CDCA2: variants seen among roughly 807,000 people sequenced by gnomAD.
CDCA2 encodes cell division cycle-associated protein 2.
In CDCA2, 44 loss-of-function variants were observed where a neutral mutation model predicts 67.0. That is an observed-to-expected ratio of 0.66 (90% CI 0.52 to 0.84). CDCA2 has a LOEUF of 0.84. CDCA2 is among the 40% of genes least tolerant of loss of function. CDCA2 has a pLI of 0.00. For synonymous variants in CDCA2, 447 were observed against 418.7 expected (o/e 1.07, Z -0.82); for missense variants, 1,253 against 1,203.2 (o/e 1.04, Z -0.61).
chr8:25,466,769 G>A (rs776218835), intron 5 of CDCA2, among the ~76,000 whole-genome samples: 7 of 151,962 alleles, frequency 4.6e-5, no homozygotes, highest in African/African-American at 4.8e-5. Flanking sequence ...TCAGCCAGGC[G>A]CGGTGGCTCA....
intron 13 of CDCA2, among the ~76,000 whole-genome samples, chr8:25,501,391 G>A (rs1804469443): frequency 6.6e-6 from 1 of 152,134 alleles, no homozygotes; most frequent in Admixed American, 6.5e-5. Context: ...TTAAATTTAA[G>A]ATCAAACGTT....
At chr8:25,489,502 C>G (rs1803917977) in intron 13 of CDCA2, among the ~76,000 whole-genome samples, 1 of 152,174 alleles carries the variant, frequency 6.6e-6, no homozygotes, top group South Asian at 2.1e-4. Context: ...AATTTCCAGT[C>G]TGACTGAGTT....
chr8:25,468,414 G>T lies in CDCA2; in HGVS notation c.735+1G>T, dbSNP rs1803011251. The T allele has an allele frequency of 6.2e-7, 1 of 1,608,138 alleles. No individual in the cohort carries two copies. The highest frequency in any genetic ancestry group is 8.5e-7 in the Non-Finnish European group (1 of 1,176,616). On this transcript the variant is annotated splice_donor_variant, in intron 6 of 14. Coordinates refer to ENST00000330560, the MANE Select transcript of CDCA2 (RefSeq NM_152562.4). LOFTEE classifies it high-confidence loss of function. ...TGAAACTTCTGTAGATCTTTCTGAG[G>T]TAATTCACTTACTTTACGCATAGGA...
At chr8:25,476,067 T>G (rs1586484320) in intron 7 of CDCA2, among the ~76,000 whole-genome samples, 1 of 152,208 alleles carries the variant, frequency 6.6e-6, no homozygotes, top group South Asian at 2.1e-4. Context: ...CAGAAAAGTT[T>G]CTTACCACTT....
At chr8:25,476,088 T>C (rs773153414) in intron 7 of CDCA2, among the ~76,000 whole-genome samples, 3 of 152,190 alleles carry the variant, frequency 2.0e-5, no homozygotes, top group Non-Finnish European at 4.4e-5. Flanking sequence ...GTTTGTGGCT[T>C]TTCTCCATTC....
At chr8:25,502,404 T>C (rs914583217) in intron 13 of CDCA2, among the ~76,000 whole-genome samples, 19 of 152,256 alleles carry the variant, frequency 1.2e-4, no homozygotes, top group Admixed American at 8.5e-4. Flanking sequence ...CAGAATTGAA[T>C]GTAATACCCC....
chr8:25,469,835 A>C, intron 6 of CDCA2, 61 bp from the exon 7 acceptor site: 1 of 1,028,802 alleles, frequency 9.7e-7, no homozygotes, highest in Non-Finnish European at 1.5e-6. Context: ...TCAAATCTTC[A>C]AAAAGGCATT....
rs1396758594 is a variant in CDCA2, at chr8:25,459,299, G to T, written c.-175G>T. On this transcript the variant is annotated 5_prime_UTR_variant, in exon 1 of 15. Transcript: ENST00000330560. ...GGCTGTGAGTCCAGGTCAGCCGTCG[G>T]GACCTCGGGCTCCGGGTTCGAAGAG... is the stretch of plus-strand genomic sequence containing the variant. 6.6e-6 allele frequency: 1 copy of T among 152,368 alleles called. No individual in the cohort carries two copies. Among genetic ancestry groups the T allele is most frequent in the East Asian group, 1.9e-4 (1 of 5,194 alleles). 9.4% of individuals were successfully genotyped at this position (152,368 alleles called of 1,614,324 possible).
intron 13 of CDCA2, among the ~76,000 whole-genome samples, chr8:25,502,853 T>A (rs947821926): frequency 6.6e-6 from 1 of 152,230 alleles, no homozygotes; most frequent in Admixed American, 6.5e-5. Context: ...TGAATCCTGC[T>A]TTGTAGTTTA....
Position 25,506,299 on chromosome 8 carries a change from G to T in CDCA2, c.1844-211G>T, listed in dbSNP as rs546372022. ...GGTTATATGCTTTATTAATTCATGCGTTGAATACCTATTTTCTTAACCTGT... is the reference window on the plus strand; with the variant it reads ...GGTTATATGCTTTATTAATTCATGCTTTGAATACCTATTTTCTTAACCTGT... On this transcript the variant is annotated intron_variant, in intron 14 of 14. Coordinates refer to ENST00000330560, the MANE Select transcript of CDCA2 (RefSeq NM_152562.4). Among the ~76,000 whole-genome samples the T allele has an allele frequency of 6.3e-4, 96 of 152,156 alleles. 1 individual carries two copies. Among genetic ancestry groups the T allele is most frequent in the Non-Finnish European group, 2.4e-4 (16 of 68,034 alleles).
rs770139830 is a variant in CDCA2, at chr8:25,484,095, G to T, written c.1250G>T (p.Gly417Val). The change falls in exon 10 of 15, where the codon GGA becomes GTA. Residue 417 changes from glycine to valine, a missense_variant. Gly to Val is a moderately radical substitution (Grantham distance 109). Transcript: ENST00000330560. ...SLPANTPLRK[G>V]GTPVCKKDFS... ...CCAGCAAATACTCCATTGCGTAAAG[G>T]AGGAACACCTGTTTGTAAAAAAGAC... is the stretch of plus-strand genomic sequence containing the variant. 1 of 1,614,202 alleles carries T rather than the reference G, an allele frequency of 6.2e-7. No individual in the cohort carries two copies. Among genetic ancestry groups the T allele is most frequent in the Non-Finnish European group, 8.5e-7 (1 of 1,180,036 alleles).
intron 14 of CDCA2, among the ~76,000 whole-genome samples, chr8:25,504,360 G>A (rs987585230): frequency 1.3e-5 from 2 of 151,218 alleles, no homozygotes; most frequent in African/African-American, 4.9e-5. Context: ...CAAACTCTTG[G>A]GCTCAAACAA....
At chr8:25,492,792 G>A (rs1804063679) in intron 13 of CDCA2, among the ~76,000 whole-genome samples, 1 of 152,190 alleles carries the variant, frequency 6.6e-6, no homozygotes, top group Non-Finnish European at 1.5e-5. Flanking sequence ...AGGACAATGT[G>A]AGTATTAACA....
chr8:25,468,141 A>AT, intron 5 of CDCA2, 76 bp from the exon 6 acceptor site: 3 of 554,342 alleles, frequency 5.4e-6, no homozygotes, highest in Non-Finnish European at 7.5e-6. Context: ...AAAAAAAAAG[A>AT]AAAGAAAAAA....
intron 13 of CDCA2, among the ~76,000 whole-genome samples, chr8:25,495,658 G>T (rs1157290676): frequency 6.6e-6 from 1 of 152,090 alleles, no homozygotes; most frequent in Non-Finnish European, 1.5e-5. Flanking sequence ...CTGACCTCGT[G>T]ATCCGCCCAC....
chr8:25,462,288 C>T, intron 4 of CDCA2, 80 bp downstream of exon 4: 1 of 1,425,064 alleles, frequency 7.0e-7, no homozygotes, highest in African/African-American at 1.4e-5. Flanking sequence ...AGTGCATCTG[C>T]TCTGTTTCAA....
At chr8:25,502,079 G>A (rs907113501) in intron 13 of CDCA2, among the ~76,000 whole-genome samples, 1 of 151,992 alleles carries the variant, frequency 6.6e-6, no homozygotes, top group Non-Finnish European at 1.5e-5. Context: ...TGTATTTTTA[G>A]TAGAGACGGC....
chr8:25,468,562 T>TGTGTGTGTGC (rs1554520638), intron 6 of CDCA2, 149 bp downstream of exon 6: 9 of 452,712 alleles, frequency 2.0e-5, no homozygotes, highest in South Asian at 1.1e-4. Context: ...TGTGTGCGTG[T>TGTGTGTGTGC]GTGTGTGTGT....
At position 25,484,008 on chromosome 8, in the gene CDCA2, G is replaced by A; in HGVS notation, c.1163G>A (p.Arg388Lys). ...NFEAPAFLNM[R>K]KRKRVTFGED... The stretch of plus-strand genomic sequence containing the variant: ...GAAGCACCTGCCTTTCTAAATATGA[G>A]GAAGAGGAAGAGAGTTACTTTTGGA... Residue 388 changes from arginine to lysine, a missense_variant, in exon 10 of 15, where the codon AGG becomes AAG. By Grantham distance (26) the Arg-to-Lys change is conservative (BLOSUM62 2). Transcript: ENST00000330560. The A allele has an allele frequency of 6.2e-7, 1 of 1,614,040 alleles. No homozygotes were observed. The highest frequency in any genetic ancestry group is 8.5e-7 in the Non-Finnish European group (1 of 1,179,942).
Sources: gnomAD v4.1 joint callset for allele counts (sites outside exome capture counted in the v4.1 genomes callset) on GRCh38, gnomAD v4.1.1 for gene constraint, MANE v1.5 for transcripts, NCBI Gene and HGNC (gene_info 2026-07-23, HGNC 2026-07-21) for gene names.